The following SREK1 variants were observed in gnomAD, a reference collection of about 807,000 sequenced individuals.
SREK1 encodes the protein splicing regulatory glutamine/lysine-rich protein 1.
SREK1 carries 13 observed loss-of-function variants against 66.5 expected under a neutral mutation model. That is an observed-to-expected ratio of 0.20 (90% CI 0.13 to 0.31). The LOEUF is 0.31. Among genes scored for constraint, SREK1 ranks in the 10% least tolerant of loss-of-function variants. The probability of loss-of-function intolerance (pLI) is 1.00; values close to 1 mark genes in which losing one functional copy is unlikely to be tolerated. For synonymous variants in SREK1, 265 were observed against 263.5 expected, an observed-to-expected ratio of 1.01 and a Z score of -0.05; for missense variants, 607 against 769.6, an observed-to-expected ratio of 0.79 and a Z score of 2.50.
chr5:66,163,964 C>T lies in SREK1; in HGVS notation c.886+42C>T, dbSNP rs1466331158. ...GTTACATAGGTCATAGTTTAAAGAT[C>T]ATAGACTCTTAGAACTGGAAGGAAT... On this transcript the variant is annotated intron_variant, in intron 6 of 11. Transcript: ENST00000334121. 3 of 1,586,262 alleles carry T rather than the reference C, an allele frequency of 1.9e-6. No individual in the cohort carries two copies. In the East Asian group the frequency reaches 6.8e-5, roughly 36 times the overall value.
At chr5:66,177,323 C>T in intron 10 of SREK1, 191 bp from the exon 11 acceptor site, 1 of 443,398 alleles carries the variant, frequency 2.3e-6, no homozygotes, top group Non-Finnish European at 3.9e-6. Flanking sequence ...CCTTAAGAAA[C>T]TAACTGGGGT....
At position 66,144,327 on chromosome 5, in the gene SREK1, G is replaced by A. The variant is rs900655952; in HGVS notation, c.-50G>A. 1.4e-6 allele frequency: 2 copies of A among 1,412,004 alleles called. No individual in the cohort carries two copies. Among genetic ancestry groups the A allele is most frequent in the Non-Finnish European group, 1.9e-6 (2 of 1,047,894 alleles). 87.5% of individuals were successfully genotyped at this position (1,412,004 alleles called of 1,614,324 possible). A position where few individuals can be genotyped will look rare whatever the true frequency, so the allele number is the denominator to read the frequency against. ...TCTCCGCTTTCCCGGCTCCGTCGCT[G>A]ACGCGTCGTAGACGTTGGGGAGCGG... On this transcript the variant is annotated 5_prime_UTR_variant, in exon 1 of 12. Coordinates refer to ENST00000334121, the MANE Select transcript of SREK1 (RefSeq NM_001077199.3).
At chr5:66,153,864 C>T in intron 2 of SREK1, 5 of 362,752 alleles carry the variant, frequency 1.4e-5, no homozygotes, top group Non-Finnish European at 2.4e-5. Context: ...GCAAAGAAAG[C>T]TTTCTGAAAT....
chr5:66,164,949 ATAT>A (rs1289102255), intron 7 of SREK1, 52 bp downstream of exon 7: 1 of 1,509,318 alleles, frequency 6.6e-7, no homozygotes, highest in Non-Finnish European at 8.9e-7. Flanking sequence ...TGTATTTAAA[ATAT>A]TAAGATTTTA....
intron 1 of SREK1, among the ~76,000 whole-genome samples, chr5:66,147,755 C>T (rs1384105950): frequency 6.6e-6 from 1 of 152,180 alleles, no homozygotes; most frequent in African/African-American, 2.4e-5. Flanking sequence ...TCTATCAAAG[C>T]TTCTCTCCAT....
At chr5:66,148,910 A>G (rs912500146) in intron 1 of SREK1, among the ~76,000 whole-genome samples, 16 of 152,128 alleles carry the variant, frequency 1.1e-4, no homozygotes, top group African/African-American at 3.9e-4. Flanking sequence ...TTGATGAGCT[A>G]TCTGTTTGTT....
At chr5:66,169,318 C>A (rs181245553) in intron 7 of SREK1, 1 of 152,264 alleles carries the variant, frequency 6.6e-6, no homozygotes, top group East Asian at 1.9e-4. Flanking sequence ...ATTCAAAAGG[C>A]TTCAAAACTT....
intron 2 of SREK1, chr5:66,157,926 T>G (rs1239703705): frequency 5.7e-6 from 1 of 174,094 alleles, no homozygotes; most frequent in Non-Finnish European, 1.1e-5. Flanking sequence ...TTGTTTTAAA[T>G]ATTTTTACAA....
intron 2 of SREK1, chr5:66,158,669 A>G (rs1222427870): frequency 3.3e-6 from 2 of 599,568 alleles, no homozygotes; most frequent in Non-Finnish European, 5.0e-6. Flanking sequence ...GGATAGGGGC[A>G]CTCATTAAGA....
At chr5:66,177,990 A>G (rs1456997779) in intron 11 of SREK1, among the ~76,000 whole-genome samples, 1 of 152,088 alleles carries the variant, frequency 6.6e-6, no homozygotes, top group Non-Finnish European at 1.5e-5. Flanking sequence ...AGCAAGTTTG[A>G]AAAGACTTTG....
Position 66,180,359 on chromosome 5 carries a change from C to G in SREK1, c.*1491C>G, listed in dbSNP as rs1016871472. 2 of 152,528 alleles carry G rather than the reference C, an allele frequency of 1.3e-5. No individual in the cohort carries two copies. The highest frequency in any genetic ancestry group is 1.9e-4 in the East Asian group (1 of 5,194). 9.4% of individuals were successfully genotyped at this position (152,528 alleles called of 1,614,324 possible). A position where few individuals can be genotyped will look rare whatever the true frequency, so the allele number is the denominator to read the frequency against. On this transcript the variant is annotated 3_prime_UTR_variant, in exon 12 of 12. Coordinates refer to ENST00000334121, the MANE Select transcript of SREK1 (RefSeq NM_001077199.3). ...AAAGTTAAGTATAATTATTTTAATG[C>G]AATCTAATACAATCAGATTACTCAG...
chr5:66,171,886 G>A (rs887778294), intron 9 of SREK1, among the ~76,000 whole-genome samples: 21 of 150,894 alleles, frequency 1.4e-4, no homozygotes, highest in Admixed American at 9.2e-4. Flanking sequence ...CAACAGGCCT[G>A]GGAGAAGATT....
intron 9 of SREK1, among the ~76,000 whole-genome samples, chr5:66,172,603 C>T (rs912889332): frequency 2.0e-5 from 3 of 152,008 alleles, no homozygotes; most frequent in Non-Finnish European, 4.4e-5. Flanking sequence ...ACCATATTGG[C>T]CAGGTTGATC....
chr5:66,149,169 T>A (rs975369245), intron 1 of SREK1, among the ~76,000 whole-genome samples: 1 of 152,144 alleles, frequency 6.6e-6, no homozygotes, highest in African/African-American at 2.4e-5. Context: ...CTGGCCAACA[T>A]AGTGAAATCT....
Position 66,182,224 on chromosome 5 carries a change from A to G in SREK1, c.*3356A>G, listed in dbSNP as rs1264399403. On this transcript the variant is annotated 3_prime_UTR_variant, in exon 12 of 12. Transcript: ENST00000334121. ...CGTTTTCATTGGAAGACAGTATCTG[A>G]TTTCAACTGGTGCGTTACGAAGTAG... 2 of 152,158 alleles carry G rather than the reference A, an allele frequency of 1.3e-5. No homozygotes were observed. Among genetic ancestry groups the G allele is most frequent in the Non-Finnish European group, 2.9e-5 (2 of 68,012 alleles). 9.4% of individuals were successfully genotyped at this position (152,158 alleles called of 1,614,324 possible).
chr5:66,158,691 G>A (rs1293714273), intron 2 of SREK1: 6 of 882,068 alleles, frequency 6.8e-6, no homozygotes, highest in African/African-American at 1.8e-5. Context: ...ATTTCAATTC[G>A]CACATATTTG....
Position 66,170,701 on chromosome 5 carries a change from A to G in SREK1, c.1238A>G (p.Lys413Arg). The G allele has an allele frequency of 1.2e-6, 2 of 1,609,420 alleles. No homozygotes were observed. Among genetic ancestry groups the G allele is most frequent in the Admixed American group, 3.4e-5 (2 of 58,912 alleles). The change falls in exon 9 of 12, where the codon AAA (lysine) becomes AGA (arginine). Residue 413 changes from lysine to arginine, a missense_variant. This residue lies in a region of SREK1 where 318 missense variants were observed against 310.3 expected (regional missense o/e 1.02). Transcript: ENST00000334121. Reference sequence around the variant, plus strand: ...CGTGAAAAAGAAAAGGAACGGGGTAAAAACAAAGACCGGGACAAGGAACGG... The same window carrying G: ...CGTGAAAAAGAAAAGGAACGGGGTAGAAACAAAGACCGGGACAAGGAACGG... ...KEREKEKERG[K>R]NKDRDKEREK...
chr5:66,170,112 C>G lies in SREK1; in HGVS notation c.1063C>G (p.His355Asp), dbSNP rs1459751913. Residue 355 changes from histidine to aspartate, a missense_variant, in exon 8 of 12, where the codon CAT becomes GAT. His to Asp is a moderately conservative substitution (Grantham distance 81). Transcript: ENST00000334121. ...AGACAGACGTAGATCTAAGAGCCCA[C>G]ATAAAAAACGCTCTAAATCAAGGGA... ...QKDRRRSKSP[H>D]KKRSKSRERR... The G allele has an allele frequency of 1.2e-6, 2 of 1,613,018 alleles. No individual in the cohort carries two copies. Among genetic ancestry groups the G allele is most frequent in the Non-Finnish European group, 1.7e-6 (2 of 1,179,462 alleles).
chr5:66,144,859 G>T, intron 1 of SREK1: 1 of 1,049,218 alleles, frequency 9.5e-7, no homozygotes. Context: ...ACTTAAGATG[G>T]CCGCAGGTGG....
Sources: allele counts gnomAD v4.1 joint callset (sites outside exome capture counted in the v4.1 genomes callset), GRCh38; gene constraint gnomAD v4.1.1; regional missense constraint gnomAD v4.1.1; transcripts MANE v1.5; gene names NCBI Gene and HGNC (gene_info 2026-07-23, HGNC 2026-07-21).